The following RBM14 variants were observed in gnomAD, a reference collection of about 807,000 sequenced individuals.
RBM14 encodes the protein RNA binding motif protein 14.
In RBM14, 5 loss-of-function variants were observed where a neutral mutation model predicts 52.8. That is an observed-to-expected ratio of 0.09 (90% CI 0.05 to 0.20). The LOEUF (loss-of-function observed/expected upper bound fraction) is 0.20, where lower values mean the gene tolerates loss of function less well. Among genes scored for constraint, RBM14 ranks in the 10% least tolerant of loss-of-function variants. The probability of loss-of-function intolerance (pLI) is 1.00; values close to 1 mark genes in which losing one functional copy is unlikely to be tolerated. For missense variants in RBM14, 780 were observed against 926.6 expected, an observed-to-expected ratio of 0.84 and a Z score of 2.05; for synonymous variants, 411 against 401.8, an observed-to-expected ratio of 1.02 and a Z score of -0.28.
chr11:66,625,872 C>G lies in RBM14; in HGVS notation c.1802+194C>G, dbSNP rs1937778912. 5.1e-6 allele frequency: 3 copies of G among 587,650 alleles called. No homozygotes were observed. The highest frequency in any genetic ancestry group is 2.3e-5 in the South Asian group (1 of 43,594). 36.4% of individuals were successfully genotyped at this position (587,650 alleles called of 1,614,324 possible). A position where few individuals can be genotyped will look rare whatever the true frequency, so the allele number is the denominator to read the frequency against. On this transcript the variant is annotated intron_variant, in intron 2 of 2. Coordinates refer to ENST00000310137, the MANE Select transcript of RBM14 (RefSeq NM_006328.4). The surrounding 1 kb of genome is among the most constrained non-coding windows in gnomAD (Gnocchi z 4.2). The stretch of plus-strand genomic sequence containing the variant: ...ACCAGGGTTCAGGTGGAGCATAGTG[C>G]TCAGCCTGGGGTGGTACCTGCTAGT...
intron 1 of RBM14, among the ~76,000 whole-genome samples, chr11:66,623,207 TGAACA>T (rs1323898216): frequency 1.3e-5 from 2 of 152,138 alleles, no homozygotes; most frequent in African/African-American, 2.4e-5. Flanking sequence ...GTCTGCTCTG[TGAACA>T]GAAGCCCAAG....
chr11:66,617,117 C>T, intron 1 of RBM14, 60 bp downstream of exon 1: 1 of 1,522,666 alleles, frequency 6.6e-7, no homozygotes, highest in Admixed American at 2.1e-5. Flanking sequence ...CTGTTAGCCA[C>T]GCCCCTTACC....
intron 1 of RBM14, among the ~76,000 whole-genome samples, chr11:66,618,764 GTC>G (rs1858962524): frequency 6.6e-6 from 1 of 152,204 alleles, no homozygotes; most frequent in Non-Finnish European, 1.5e-5. Context: ...TGAAGGGACA[GTC>G]TCCCTGGAAC....
Position 66,628,059 on chromosome 11 carries a change from G to A in RBM14, c.*1391G>A, listed in dbSNP as rs1398936138. Among the ~76,000 whole-genome samples, 1 of 152,070 alleles carries A rather than the reference G, an allele frequency of 6.6e-6. No individual in the cohort carries two copies. Among genetic ancestry groups the A allele is most frequent in the Non-Finnish European group, 1.5e-5 (1 of 68,026 alleles). ...CCTCTCGCTGGGTTTATATTTGAAG[G>A]TATAGAATCTGGGAAAGGGTGGGGT... On this transcript the variant is annotated 3_prime_UTR_variant, in exon 3 of 3. Transcript: ENST00000310137.
intron 1 of RBM14, chr11:66,623,944 C>G: frequency 1.4e-6 from 1 of 722,314 alleles, no homozygotes; most frequent in South Asian, 1.5e-5. Flanking sequence ...CATCTTTGCT[C>G]CTTCTTCTCT....
rs775353986 is a variant in RBM14, at chr11:66,624,868, A to G, written c.992A>G (p.Tyr331Cys). The G allele has an allele frequency of 7.7e-5, 124 of 1,613,442 alleles. No homozygotes were observed. Among genetic ancestry groups the G allele is most frequent in the Admixed American group, 8.3e-5 (5 of 59,938 alleles). Residue 331 changes from tyrosine to cysteine, a missense_variant, in exon 2 of 3, where the codon TAT becomes TGT. By Grantham distance (194) the Tyr-to-Cys change is radical. This residue lies in a region of RBM14 where 675 missense variants were observed against 697.3 expected (regional missense o/e 0.97). Coordinates refer to ENST00000310137, the MANE Select transcript of RBM14 (RefSeq NM_006328.4). The surrounding 1 kb of genome is among the most constrained non-coding windows in gnomAD (Gnocchi z 4.7). ...QAAAASSLNS[Y>C]GAQGSSLASY... ...GCTGCAGCTTCTTCGCTCAACTCCT[A>G]TGGGGCTCAGGGTTCCTCCCTTGCC...
Position 66,626,509 on chromosome 11 carries a change from A to G in RBM14, c.1851A>G (p.Leu617=). The change falls in exon 3 of 3, where the codon TTA becomes TTG. Residue 617 remains leucine (L), a synonymous_variant. Coordinates refer to ENST00000310137, the MANE Select transcript of RBM14 (RefSeq NM_006328.4). ...CCGAGCTCTCTGATTACCGCCGTTT[A>G]TCAGAGTCGCAGCTTTCGTTCCGCC... ...RLAELSDYRR[L]SESQLSFRRS... is the part of the protein sequence containing the mutation. 1 of 1,613,958 alleles carries G rather than the reference A, an allele frequency of 6.2e-7. No individual in the cohort carries two copies. The highest frequency in any genetic ancestry group is 8.5e-7 in the Non-Finnish European group (1 of 1,180,028).
intron 1 of RBM14, chr11:66,623,923 G>A (rs946503009): frequency 1.5e-5 from 11 of 718,474 alleles, no homozygotes; most frequent in African/African-American, 1.0e-4. Flanking sequence ...TTTTTATCCT[G>A]TGTTGCAGTT....
At chr11:66,619,716 G>A (rs1463755129) in intron 1 of RBM14, among the ~76,000 whole-genome samples, 2 of 151,920 alleles carry the variant, frequency 1.3e-5, no homozygotes, top group South Asian at 2.1e-4. Flanking sequence ...ACAGGCGCCC[G>A]CCACCACACC....
chr11:66,616,939 A>G lies in RBM14; in HGVS notation c.219A>G (p.Pro73=), dbSNP rs1429064910. Residue 73 remains proline, a synonymous_variant, in exon 1 of 3, where the codon CCA becomes CCG. Coordinates refer to ENST00000310137, the MANE Select transcript of RBM14 (RefSeq NM_006328.4). ...GRALVVEMSR[P]RPLNTWKIFV... ...CGCTCGTGGTGGAGATGTCGCGCCC[A>G]AGGCCTCTTAATACTTGGAAGATTT... 1.2e-6 allele frequency: 2 copies of G among 1,612,068 alleles called. No homozygotes were observed. Among genetic ancestry groups the G allele is most frequent in the African/African-American group, 2.7e-5 (2 of 74,804 alleles).
Position 66,626,782 on chromosome 11 carries a change from G to A in RBM14, c.*114G>A. On this transcript the variant is annotated 3_prime_UTR_variant, in exon 3 of 3. Coordinates refer to ENST00000310137, the MANE Select transcript of RBM14 (RefSeq NM_006328.4). Reference sequence around the variant, plus strand: ...ACCTTTCCTGGTTGTGGTTTTTCATGCCCTCTACCATGTGGGCCTTCCCCA... The same window carrying A: ...ACCTTTCCTGGTTGTGGTTTTTCATACCCTCTACCATGTGGGCCTTCCCCA... 1 of 1,080,112 alleles carries A rather than the reference G, an allele frequency of 9.3e-7. No homozygotes were observed. The allele number at this position is 1,080,112 out of a possible 1,614,324, so 66.9% of individuals were successfully genotyped here. A position where few individuals can be genotyped will look rare whatever the true frequency, so the allele number is the denominator to read the frequency against.
chr11:66,623,454 T>G (rs973578365), intron 1 of RBM14, among the ~76,000 whole-genome samples: 1 of 152,216 alleles, frequency 6.6e-6, no homozygotes, highest in Non-Finnish European at 1.5e-5. Context: ...AAAGGGGCAT[T>G]GGAAGAGCTG....
In RBM14 at chr11:66,618,610, G is replaced by A. The variant is rs532724633; in HGVS notation, c.337+1553G>A. The A allele has an allele frequency of 2.7e-5, 19 of 716,016 alleles. No homozygotes were observed. In the South Asian group the frequency reaches 2.8e-4, roughly 11 times the overall value. The allele number at this position is 716,016 out of a possible 1,614,324, so 44.4% of individuals were successfully genotyped here. ...TAGAGTAAAAGAGTGGTGGGGGAGG[G>A]TCTCAGATTGGGTACTTGTCCAGCA... On this transcript the variant is annotated intron_variant, in intron 1 of 2. Transcript: ENST00000310137.
At chr11:66,623,382 T>G (rs1161842358) in intron 1 of RBM14, among the ~76,000 whole-genome samples, 3 of 152,210 alleles carry the variant, frequency 2.0e-5, no homozygotes, top group Non-Finnish European at 4.4e-5. Context: ...TAAGCCTAAA[T>G]TTTTAGTCAT....
In RBM14 at chr11:66,625,694, C is replaced by T. The variant is rs1378119865; in HGVS notation, c.1802+16C>T. 1.3e-6 allele frequency: 2 copies of T among 1,555,064 alleles called. No individual in the cohort carries two copies. ...TGTCGAAAAGGTACTGTATGCCCCC[C>T]CGCCTCTGCCCCCAGCTGGGGCTTA... On this transcript the variant is annotated intron_variant, in intron 2 of 2. Coordinates refer to ENST00000310137, the MANE Select transcript of RBM14 (RefSeq NM_006328.4). This position sits in a 1 kb window ranked among gnomAD's most constrained non-coding sequence, Gnocchi z 4.2.
In RBM14 at chr11:66,623,249, A is replaced by C. The variant is rs77737254; in HGVS notation, c.338-965A>C. ...TGTAAGGTATACCTCTGTCCCTTAAAGAGGAAACAGTGGAGGATGCAGTGT... is the reference window on the plus strand; with the variant it reads ...TGTAAGGTATACCTCTGTCCCTTAACGAGGAAACAGTGGAGGATGCAGTGT... On this transcript the variant is annotated intron_variant, in intron 1 of 2. Transcript: ENST00000310137. Among the ~76,000 whole-genome samples the C allele has an allele frequency of 6.6e-5, 10 of 152,322 alleles. No individual in the cohort carries two copies. The East Asian group carries it at 1.2e-3, about 18-fold the overall frequency.
In RBM14 at chr11:66,625,823, C is replaced by A; in HGVS notation, c.1802+145C>A. 1.5e-6 allele frequency: 1 copy of A among 676,446 alleles called. No homozygotes were observed. Among genetic ancestry groups the A allele is most frequent in the Non-Finnish European group, 2.4e-6 (1 of 408,842 alleles). The allele number at this position is 676,446 out of a possible 1,614,324, so 41.9% of individuals were successfully genotyped here. A position where few individuals can be genotyped will look rare whatever the true frequency, so the allele number is the denominator to read the frequency against. On this transcript the variant is annotated intron_variant, in intron 2 of 2. Transcript: ENST00000310137. The surrounding 1 kb of genome is among the most constrained non-coding windows in gnomAD (Gnocchi z 4.2). ...TGGGATGTCCAGAGGCCGAGGGGAG[C>A]AGTGTCTATGAACTTTCCTGGTCAC... is the stretch of plus-strand genomic sequence containing the variant.
intron 1 of RBM14, among the ~76,000 whole-genome samples, chr11:66,622,627 A>G (rs1201488102): frequency 6.6e-6 from 1 of 152,182 alleles, no homozygotes; most frequent in Non-Finnish European, 1.5e-5. Context: ...GCTATGCCAC[A>G]CTTCTGACTT....
chr11:66,617,276 C>T (rs1393177471), intron 1 of RBM14: 3 of 1,340,568 alleles, frequency 2.2e-6, no homozygotes, highest in East Asian at 5.7e-5. Context: ...TGGGTGGGTG[C>T]GGCGGCCACT....
Sources: gnomAD v4.1 joint callset for allele counts (sites outside exome capture counted in the v4.1 genomes callset) on GRCh38, gnomAD v4.1.1 for gene constraint, gnomAD v4.1.1 regional missense constraint, Gnocchi (gnomAD v3.1) non-coding constraint, MANE v1.5 for transcripts, NCBI Gene and HGNC (gene_info 2026-07-23, HGNC 2026-07-21) for gene names.